The following EZH1 variants were observed in gnomAD, a reference collection of about 807,000 sequenced individuals.
EZH1 encodes enhancer of zeste 1 polycomb repressive complex 2 subunit.
In EZH1, 33 loss-of-function variants were observed where a neutral mutation model predicts 100.5. The observed-to-expected ratio is 0.33, with a 90% confidence interval of 0.25 to 0.44. EZH1 has a LOEUF of 0.44. Ranked by LOEUF, EZH1 falls within the 20% of genes least tolerant of loss-of-function variation. The pLI, the probability that EZH1 is intolerant of heterozygous loss-of-function variation, is 1.00. For missense variants in EZH1, 475 were observed against 928.4 expected (o/e 0.51, Z 6.35); for synonymous variants, 272 against 313.8 (o/e 0.87, Z 1.41).
Position 42,703,801 on chromosome 17 carries a change from A to G in EZH1, c.2037T>C (p.Thr679=). The G allele has an allele frequency of 6.2e-7, 1 of 1,613,914 alleles. No homozygotes were observed. The highest frequency in any genetic ancestry group is 8.5e-7 in the Non-Finnish European group (1 of 1,179,782). The stretch of plus-strand genomic sequence containing the variant: ...CAAATCGAATTTTGTTTCCTTTCCG[A>G]GTAGCATCCACTACAAAATCTGTAT... ...NLNNDFVVDA[T]RKGNKIRFAN... is the part of the protein sequence containing the mutation. Residue 679 remains threonine (T), a synonymous_variant, in exon 19 of 21, where the codon ACT becomes ACC. Transcript: ENST00000428826.
At chr17:42,725,812 A>G (rs1460837929) in intron 4 of EZH1, among the ~76,000 whole-genome samples, 2 of 152,240 alleles carry the variant, frequency 1.3e-5, no homozygotes, top group Non-Finnish European at 2.9e-5. Context: ...ATGGAGAAGC[A>G]AAGTGGTATA....
intron 7 of EZH1, among the ~76,000 whole-genome samples, chr17:42,719,806 G>A (rs1452087795): frequency 6.6e-6 from 1 of 152,048 alleles, no homozygotes; most frequent in Non-Finnish European, 1.5e-5. Context: ...TGTTCATAGA[G>A]AGGCCTGAAC....
intron 10 of EZH1, among the ~76,000 whole-genome samples, chr17:42,716,760 G>A (rs977523032): frequency 7.9e-5 from 12 of 151,928 alleles, no homozygotes; most frequent in Non-Finnish European, 1.3e-4. Context: ...GTACAGTGGC[G>A]TGATCTCGGC....
rs555570781 is a variant in EZH1 at position 42,706,323 on chromosome 17, A to G, written c.1661-138T>C. 3.2e-5 allele frequency: 22 copies of G among 681,056 alleles called. No individual in the cohort carries two copies. In the African/African-American group the frequency reaches 3.4e-4, roughly 11 times the overall value. The allele number at this position is 681,056 out of a possible 1,614,324, so 42.2% of individuals were successfully genotyped here. A position where few individuals can be genotyped will look rare whatever the true frequency, so the allele number is the denominator to read the frequency against. On this transcript the variant is annotated intron_variant, in intron 15 of 20. Coordinates refer to ENST00000428826, the MANE Select transcript of EZH1 (RefSeq NM_001991.5). The surrounding 1 kb of genome is among the most constrained non-coding windows in gnomAD (Gnocchi z 4.4). ...AAAATAAGAGGAAGCTCCCTTCCCA[A>G]TAATCAAATACACAAGTTTTGTCCA...
At chr17:42,740,627 G>C (rs1310649249) in intron 1 of EZH1, among the ~76,000 whole-genome samples, 1 of 152,202 alleles carries the variant, frequency 6.6e-6, no homozygotes, top group Non-Finnish European at 1.5e-5. Context: ...TGAGATTACA[G>C]ACATGAGCCA....
intron 10 of EZH1, 84 bp from the exon 11 acceptor site, chr17:42,713,473 A>G: frequency 4.0e-6 from 5 of 1,247,738 alleles, no homozygotes; most frequent in Non-Finnish European, 5.5e-6. Context: ...CATCTTTACA[A>G]CATCTGTCTA....
chr17:42,709,617 C>G (rs1250173936), intron 13 of EZH1: 1 of 445,308 alleles, frequency 2.2e-6, no homozygotes, highest in Non-Finnish European at 4.0e-6. Context: ...AATAGAAAAA[C>G]AGACAGTTAT....
intron 14 of EZH1, among the ~76,000 whole-genome samples, chr17:42,708,474 G>A (rs2053406570): frequency 6.6e-6 from 1 of 152,110 alleles, no homozygotes; most frequent in African/African-American, 2.4e-5. Flanking sequence ...GGCCAACATG[G>A]TGAAACCCCG....
chr17:42,710,733 G>T (rs985607301), intron 12 of EZH1, among the ~76,000 whole-genome samples: 3 of 147,644 alleles, frequency 2.0e-5, no homozygotes, highest in Non-Finnish European at 3.0e-5. Context: ...CTGGGCTCAA[G>T]CCATCTTCCC....
At chr17:42,744,911 C>CA (rs1282522935) in intron 1 of EZH1, 100 bp downstream of exon 1, 1 of 1,196,156 alleles carries the variant, frequency 8.4e-7, no homozygotes, top group Admixed American at 2.9e-5. Flanking sequence ...GGATTCCTTC[C>CA]AATTTCCTGA....
At chr17:42,710,630 T>G (rs990558868) in intron 12 of EZH1, among the ~76,000 whole-genome samples, 24 of 135,842 alleles carry the variant, frequency 1.8e-4, no homozygotes, top group African/African-American at 2.8e-4. Context: ...TTTTTGTTTG[T>G]TTTTTTTTTT....
chr17:42,702,419 G>C lies in EZH1; in HGVS notation c.*113C>G. Reference sequence around the variant, plus strand: ...GGCCTCACTACAGAGGGAGTGGGTTGGGGGGTTTCTCAGTGTGGGAGACAC... The same window carrying C: ...GGCCTCACTACAGAGGGAGTGGGTTCGGGGGTTTCTCAGTGTGGGAGACAC... On this transcript the variant is annotated 3_prime_UTR_variant, in exon 21 of 21. Transcript: ENST00000428826. The C allele has an allele frequency of 1.1e-6, 1 of 871,362 alleles. No individual in the cohort carries two copies. The highest frequency in any genetic ancestry group is 2.7e-5 in the East Asian group (1 of 36,998). The allele number at this position is 871,362 out of a possible 1,614,324, so 54.0% of individuals were successfully genotyped here. A position where few individuals can be genotyped will look rare whatever the true frequency, so the allele number is the denominator to read the frequency against.
chr17:42,702,625 C>T (rs1019592983), intron 20 of EZH1, 33 bp from the exon 21 acceptor site: 2 of 1,547,008 alleles, frequency 1.3e-6, no homozygotes, highest in Non-Finnish European at 1.8e-6. Context: ...AACCAGGTTA[C>T]TCTCATGACT....
intron 20 of EZH1, 109 bp from the exon 21 acceptor site, chr17:42,702,701 A>T: frequency 7.6e-7 from 1 of 1,310,298 alleles, no homozygotes; most frequent in Non-Finnish European, 1.1e-6. Context: ...AGGGCTGTTT[A>T]CAATGGTCCC....
intron 7 of EZH1, 72 bp downstream of exon 7, chr17:42,720,201 A>G (rs1447457078): frequency 6.6e-7 from 1 of 1,510,790 alleles, no homozygotes. Flanking sequence ...TAGGCAACAA[A>G]TCTTTCCAGT....
intron 18 of EZH1, 21 bp downstream of exon 18, chr17:42,704,581 T>C: frequency 1.3e-6 from 2 of 1,584,966 alleles, no homozygotes; most frequent in Admixed American, 1.8e-5. Flanking sequence ...CACCTTGGGA[T>C]GAGACAAAGT....
intron 14 of EZH1, 62 bp downstream of exon 14, chr17:42,708,814 G>T: frequency 6.4e-7 from 1 of 1,558,426 alleles, no homozygotes; most frequent in Non-Finnish European, 8.9e-7. Flanking sequence ...GGTGGGGTAG[G>T]GTGATGACCA....
At position 42,702,909 on chromosome 17, in the gene EZH1, A is replaced by G. The variant is rs1193108410; in HGVS notation, c.2151T>C (p.Ile717=). The change falls in exon 20 of 21, where the codon ATT becomes ATC. Residue 717 remains isoleucine, a synonymous_variant. Coordinates refer to ENST00000428826, the MANE Select transcript of EZH1 (RefSeq NM_001991.5). The part of the protein sequence containing the change: ...HRIGIFAKRA[I]QAGEELFFDY... ...CAAAGAAGAGCTCTTCGCCAGCTTGAATTGCCCTCTTGGCAAAGATCCCAA... is the reference window on the plus strand; with the variant it reads ...CAAAGAAGAGCTCTTCGCCAGCTTGGATTGCCCTCTTGGCAAAGATCCCAA... The G allele has an allele frequency of 6.2e-7, 1 of 1,614,108 alleles. No homozygotes were observed. Among genetic ancestry groups the G allele is most frequent in the South Asian group, 1.1e-5 (1 of 91,088 alleles).
Position 42,719,191 on chromosome 17 carries a change from G to T in EZH1, c.681C>A (p.Ser227=). The T allele has an allele frequency of 6.2e-7, 1 of 1,613,666 alleles. No individual in the cohort carries two copies. Among genetic ancestry groups the T allele is most frequent in the Non-Finnish European group, 8.5e-7 (1 of 1,179,732 alleles). Residue 227 remains serine, a synonymous_variant, in exon 8 of 21, where the codon TCC becomes TCA. Transcript: ENST00000428826. The part of the protein sequence containing the change: ...RHAIEGNKKS[S]KKQFPNDMIF... Reference sequence around the variant, plus strand: ...TCATGTCATTTGGGAACTGTTTCTTGGAACTCTTTTTGTTGCCTGAATTGG... The same window carrying T: ...TCATGTCATTTGGGAACTGTTTCTTTGAACTCTTTTTGTTGCCTGAATTGG...
Sources: gnomAD v4.1 joint callset for allele counts (sites outside exome capture counted in the v4.1 genomes callset) on GRCh38, gnomAD v4.1.1 for gene constraint, Gnocchi (gnomAD v3.1) non-coding constraint, MANE v1.5 for transcripts, NCBI Gene and HGNC (gene_info 2026-07-23, HGNC 2026-07-21) for gene names.